TANC1: variants seen among roughly 807,000 people sequenced by gnomAD.
TANC1 encodes protein TANC1.
TANC1 carries 77 observed loss-of-function variants against 149.7 expected under a neutral mutation model. The ratio of observed to expected loss-of-function variants is 0.51; its 90% CI spans 0.43 to 0.62. The LOEUF is 0.62. TANC1 is among the 20% of genes least tolerant of loss of function. The pLI is 0.00. For missense variants in TANC1, 1,985 were observed against 2,321.8 expected, an observed-to-expected ratio of 0.85 and a Z score of 2.98; for synonymous variants, 854 against 925.0, an observed-to-expected ratio of 0.92 and a Z score of 1.39.
intron 4 of TANC1, among the ~76,000 whole-genome samples, chr2:159,118,246 G>A (rs2048494796): frequency 6.6e-6 from 1 of 152,158 alleles, no homozygotes; most frequent in South Asian, 2.1e-4. Context: ...GCATTTGTAT[G>A]CATGCATAGA....
chr2:159,075,377 GA>G (rs1308790235), intron 3 of TANC1, among the ~76,000 whole-genome samples: 1 of 150,278 alleles, frequency 6.7e-6, no homozygotes, highest in Non-Finnish European at 1.5e-5. Context: ...AGACCAGCCT[GA>G]GCAACATAGT....
At chr2:158,976,275 CTG>C (rs890701308) in intron 1 of TANC1, among the ~76,000 whole-genome samples, 2 of 152,144 alleles carry the variant, frequency 1.3e-5, no homozygotes, top group African/African-American at 4.8e-5. Flanking sequence ...GTTGGTATAT[CTG>C]GTAGTCTTTT....
chr2:158,970,399 C>A (rs986684044), intron 1 of TANC1, among the ~76,000 whole-genome samples: 1 of 152,144 alleles, frequency 6.6e-6, no homozygotes, highest in African/African-American at 2.4e-5. Context: ...TAGGAAGATT[C>A]CAGGATTTTA....
chr2:159,198,825 T>C, intron 18 of TANC1, 150 bp from the exon 19 acceptor site: 1 of 551,796 alleles, frequency 1.8e-6, no homozygotes, highest in South Asian at 2.6e-5. Context: ...ATATGAATTA[T>C]GCTTGAAAAC....
chr2:159,206,976 G>A lies in TANC1; in HGVS notation c.3244+7923G>A, dbSNP rs1240071637. Among the ~76,000 whole-genome samples the A allele has an allele frequency of 3.3e-5, 5 of 152,208 alleles. No individual in the cohort carries two copies. The East Asian group carries it at 9.6e-4, about 29-fold the overall frequency. Reference sequence around the variant, plus strand: ...GGTCCGGTCTTCTCATGGATTCTTAGAAGAACAAAGTCTGTATGAAAGATG... The same window carrying A: ...GGTCCGGTCTTCTCATGGATTCTTAAAAGAACAAAGTCTGTATGAAAGATG... On this transcript the variant is annotated intron_variant, in intron 19 of 26. Transcript: ENST00000263635.
At chr2:159,200,186 G>A (rs1264611552) in intron 19 of TANC1, among the ~76,000 whole-genome samples, 2 of 152,222 alleles carry the variant, frequency 1.3e-5, no homozygotes, top group African/African-American at 4.8e-5. Flanking sequence ...GTGGGCAGCA[G>A]TGTTGCTGAG....
chr2:159,219,134 A>T (rs10490005), intron 20 of TANC1, 104 bp from the exon 21 acceptor site: 2 of 1,467,338 alleles, frequency 1.4e-6, no homozygotes, highest in Admixed American at 1.7e-5. Flanking sequence ...GATTTTTGAA[A>T]GAAAGTCATT....
chr2:159,017,537 G>A (rs1559136516), intron 2 of TANC1, among the ~76,000 whole-genome samples: 1 of 152,120 alleles, frequency 6.6e-6, no homozygotes, highest in African/African-American at 2.4e-5. Flanking sequence ...CCTGAGTTTG[G>A]AAGACTGTGA....
intron 19 of TANC1, among the ~76,000 whole-genome samples, chr2:159,205,459 A>G (rs1213466489): frequency 6.6e-6 from 1 of 152,204 alleles, no homozygotes; most frequent in Non-Finnish European, 1.5e-5. Flanking sequence ...TCAGCGATGG[A>G]CTGCATGTGA....
At chr2:159,124,798 A>T (rs991220736) in intron 4 of TANC1, among the ~76,000 whole-genome samples, 2 of 151,788 alleles carry the variant, frequency 1.3e-5, no homozygotes, top group African/African-American at 4.8e-5. Context: ...GGAGTACAGT[A>T]GCATGAGCAT....
chr2:159,150,314 T>G, intron 6 of TANC1, 56 bp from the exon 7 acceptor site: 1 of 1,422,218 alleles, frequency 7.0e-7, no homozygotes, highest in Non-Finnish European at 9.7e-7. Flanking sequence ...AACAAAAGCA[T>G]GTGTCGAAGC....
intron 2 of TANC1, among the ~76,000 whole-genome samples, chr2:159,064,889 C>T (rs988528695): frequency 6.6e-6 from 1 of 152,128 alleles, no homozygotes; most frequent in African/African-American, 2.4e-5. Flanking sequence ...CCCTCCTTGC[C>T]TCCCTTCCTC....
At chr2:159,095,227 T>G (rs1162500956) in intron 3 of TANC1, among the ~76,000 whole-genome samples, 1 of 152,182 alleles carries the variant, frequency 6.6e-6, no homozygotes, top group Non-Finnish European at 1.5e-5. Flanking sequence ...ATTATGGGCA[T>G]GAGCCACTGC....
intron 13 of TANC1, 77 bp from the exon 14 acceptor site, chr2:159,178,479 A>C: frequency 6.8e-7 from 1 of 1,481,442 alleles, no homozygotes; most frequent in Non-Finnish European, 9.0e-7. Flanking sequence ...AAACTAGTGA[A>C]TCTGGTTTAA....
chr2:159,072,912 T>C (rs568668584), intron 3 of TANC1, among the ~76,000 whole-genome samples: 1 of 152,356 alleles, frequency 6.6e-6, no homozygotes, highest in East Asian at 1.9e-4. Context: ...CTAAAGGCTC[T>C]TCTCCCAGCT....
intron 5 of TANC1, among the ~76,000 whole-genome samples, chr2:159,142,432 T>C (rs925209298): frequency 2.0e-5 from 3 of 152,222 alleles, no homozygotes; most frequent in Admixed American, 2.0e-4. Flanking sequence ...TGTTCTTCAC[T>C]GCCAAGTGCT....
intron 2 of TANC1, chr2:159,056,876 G>A: frequency 6.6e-6 from 2 of 302,058 alleles, no homozygotes; most frequent in African/African-American, 2.1e-5. Context: ...TTCCTGGCAT[G>A]TGTACCATTT....
At position 159,183,965 on chromosome 2, in the gene TANC1, G is replaced by A. The variant is rs117875035; in HGVS notation, c.2511-1826G>A. Among the ~76,000 whole-genome samples the A allele has an allele frequency of 2.3e-4, 35 of 152,230 alleles. No homozygotes were observed. In the East Asian group the frequency reaches 5.8e-3, roughly 25 times the overall value. ...CATTGTTCCCCCATAGAATCCCCCC[G>A]TCAGACGTGGTGCCAGTGATAAGGT... is the stretch of plus-strand genomic sequence containing the variant. On this transcript the variant is annotated intron_variant, in intron 14 of 26. Transcript: ENST00000263635.
At chr2:159,186,712 C>G in intron 15 of TANC1, 190 bp from the exon 16 acceptor site, 3 of 622,618 alleles carry the variant, frequency 4.8e-6, no homozygotes, top group Non-Finnish European at 8.3e-6. Context: ...CAGGCTGGTT[C>G]CTTGACCCTT....
Sources: allele counts gnomAD v4.1 joint callset (sites outside exome capture counted in the v4.1 genomes callset), GRCh38; gene constraint gnomAD v4.1.1; transcripts MANE v1.5; gene names NCBI Gene and HGNC (gene_info 2026-07-23, HGNC 2026-07-21).